The following WNK2 variants were observed in gnomAD, a reference collection of about 807,000 sequenced individuals.
WNK2 encodes serine/threonine-protein kinase WNK2.
In WNK2, 67 loss-of-function variants were observed where a neutral mutation model predicts 192.1. That is an observed-to-expected ratio of 0.35 (90% CI 0.29 to 0.43). The LOEUF is 0.43. WNK2 is among the 20% of genes least tolerant of loss of function. The probability of loss-of-function intolerance (pLI) is 1.00; values close to 1 mark genes in which losing one functional copy is unlikely to be tolerated. For synonymous variants in WNK2, 1,439 were observed against 1,393.9 expected (o/e 1.03, Z -0.72); for missense variants, 2,698 against 3,089.7 (o/e 0.87, Z 3.01).
intron 19 of WNK2, 40 bp from the exon 20 acceptor site, chr9:93,288,748 G>A: frequency 2.6e-6 from 4 of 1,555,280 alleles, no homozygotes; most frequent in Non-Finnish European, 3.5e-6. Flanking sequence ...GATAGGACTG[G>A]AGTACCCTGG....
chr9:93,226,686 C>T (rs4617217), intron 2 of WNK2, among the ~76,000 whole-genome samples: 121,975 of 152,128 alleles, frequency 0.8, 49,199 homozygotes, highest in Admixed American at 0.85. Flanking sequence ...TATTAGTCTG[C>T]CTTTTCCAGG....
chr9:93,196,331 C>T (rs1423406601), intron 2 of WNK2, among the ~76,000 whole-genome samples: 1 of 152,194 alleles, frequency 6.6e-6, no homozygotes, highest in African/African-American at 2.4e-5. Context: ...CTGTGGGAAG[C>T]AATGCTGACC....
intron 29 of WNK2, chr9:93,317,990 C>CA: frequency 6.2e-7 from 1 of 1,612,850 alleles, no homozygotes; most frequent in Non-Finnish European, 8.5e-7. Context: ...GGCAGCAAGA[C>CA]TGCTTCCTTT....
chr9:93,312,826 T>C (rs1028472599), intron 28 of WNK2, among the ~76,000 whole-genome samples: 3 of 152,220 alleles, frequency 2.0e-5, no homozygotes, highest in African/African-American at 7.2e-5. Context: ...TCTCCTCTCC[T>C]GTGACTCCCG....
chr9:93,307,433 G>A (rs1852780336), intron 27 of WNK2: 1 of 152,222 alleles, frequency 6.6e-6, no homozygotes, highest in Non-Finnish European at 1.5e-5. Context: ...GTTTCTCTAT[G>A]CAGAAAATTT....
Position 93,185,677 on chromosome 9 carries a change from T to C in WNK2, c.681+67T>C. The C allele has an allele frequency of 2.0e-6, 3 of 1,536,284 alleles. No individual in the cohort carries two copies. In the South Asian group the frequency reaches 3.6e-5, roughly 18 times the overall value. ...GTCCGCGAGTGCGTCCTTGGGCCTG[T>C]CCTTGCTCCTGCGCCTGGCCTTAAG... On this transcript the variant is annotated intron_variant, in intron 2 of 29. Coordinates refer to ENST00000427277, the MANE Select transcript of WNK2 (RefSeq NM_006648.4).
At chr9:93,187,086 G>A (rs760036776) in intron 2 of WNK2, among the ~76,000 whole-genome samples, 2 of 152,150 alleles carry the variant, frequency 1.3e-5, no homozygotes, top group African/African-American at 2.4e-5. Context: ...CTTCTGACCG[G>A]AGCACCCTCA....
rs1240738002 is a variant in WNK2 at position 93,225,904 on chromosome 9, CTGTTGTGTTA to C, written c.682-3782_682-3773del. On this transcript the variant is annotated intron_variant, in intron 2 of 29. Coordinates refer to ENST00000427277, the MANE Select transcript of WNK2 (RefSeq NM_006648.4). ...AGGGTCACCCTGGGTGCATGTCTTT[CTGTTGTGTTA>C]TGTTGTGTTGTGTTGTGTTGTGTTG... Among the ~76,000 whole-genome samples, 25 of 111,088 alleles carry C rather than the reference CTGTTGTGTTA, an allele frequency of 2.3e-4. 1 individual carries two copies. In the East Asian group the frequency reaches 5.2e-3, roughly 23 times the overall value. 72.9% of individuals were successfully genotyped at this position (111,088 alleles called of 152,430 possible).
rs761769543 is a variant in WNK2 at position 93,202,325 on chromosome 9, C to CGTGTGTGTGTGTGTGT, written c.681+16742_681+16757dup. 1.5e-3 allele frequency among the ~76,000 whole-genome samples: 200 copies of CGTGTGTGTGTGTGTGT among 130,626 alleles called. 1 individual carries two copies. Among genetic ancestry groups the CGTGTGTGTGTGTGTGT allele is most frequent in the East Asian group, 6.1e-3 (25 of 4,096 alleles). 85.7% of individuals were successfully genotyped at this position (130,626 alleles called of 152,430 possible). ...GGGCCTCTGCTGGGCTCCGTGTGCACGTGTGTGTGTGTGTGTGTGTGTGTG... is the reference window on the plus strand; with the variant it reads ...GGGCCTCTGCTGGGCTCCGTGTGCACGTGTGTGTGTGTGTGTGTGTGTGTGTGTGTGTGTGTGTGTG... On this transcript the variant is annotated intron_variant, in intron 2 of 29. Transcript: ENST00000427277.
intron 12 of WNK2, 34 bp from the exon 13 acceptor site, chr9:93,261,780 G>A (rs773780740): frequency 1.9e-6 from 3 of 1,562,636 alleles, no homozygotes; most frequent in Non-Finnish European, 2.6e-6. Context: ...GGCAGCGCCG[G>A]CCCTGACTTG....
Position 93,258,972 on chromosome 9 carries a change from G to A in WNK2, c.2424G>A (p.Ala808=), listed in dbSNP as rs55768771. ...TTGTGCCCCCCATCACGCCCCTGGC[G>A]GGAATCGACGGCCTCCCTCCGGCCC... ...IPVVPPITPL[A]GIDGLPPALP... Residue 808 remains alanine (A), a synonymous_variant, in exon 12 of 30, where the codon GCG becomes GCA. Coordinates refer to ENST00000427277, the MANE Select transcript of WNK2 (RefSeq NM_006648.4). The A allele has an allele frequency of 6.9e-3, 11,143 of 1,612,384 alleles. 62 individuals are homozygous for A. The highest frequency in any genetic ancestry group is 0.017 in the Middle Eastern group (100 of 6,052).
chr9:93,318,200 T>C, intron 29 of WNK2: 1 of 1,484,086 alleles, frequency 6.7e-7, no homozygotes, highest in Non-Finnish European at 8.9e-7. Context: ...GCAATTGGCT[T>C]GTGCATTGAT....
At position 93,239,733 on chromosome 9, in the gene WNK2, G is replaced by A. The variant is rs746870351; in HGVS notation, c.1323-24G>A. On this transcript the variant is annotated intron_variant, in intron 6 of 29. Coordinates refer to ENST00000427277, the MANE Select transcript of WNK2 (RefSeq NM_006648.4). The surrounding 1 kb of genome is among the most constrained non-coding windows in gnomAD (Gnocchi z 4.2). ...TGGAGGCCCTGGCGCCCGTGCCCCT[G>A]CCTGTCAGCTGCTCTCCCTCCAGGT... is the stretch of plus-strand genomic sequence containing the variant. 1 of 1,540,118 alleles carries A rather than the reference G, an allele frequency of 6.5e-7. No homozygotes were observed. Among genetic ancestry groups the A allele is most frequent in the Non-Finnish European group, 8.8e-7 (1 of 1,139,078 alleles).
In WNK2 at chr9:93,259,211, C is replaced by T. The variant is rs1349496535; in HGVS notation, c.2663C>T (p.Ala888Val). 28 of 1,613,164 alleles carry T rather than the reference C, an allele frequency of 1.7e-5. No individual in the cohort carries two copies. The highest frequency in any genetic ancestry group is 2.3e-5 in the Non-Finnish European group (27 of 1,179,766). ...PNAPATIPLL[A>V]VAPPGVAALS... Reference sequence around the variant, plus strand: ...GCACCGGCCACTATCCCCCTGCTGGCCGTAGCCCCACCGGGCGTGGCTGCC... The same window carrying T: ...GCACCGGCCACTATCCCCCTGCTGGTCGTAGCCCCACCGGGCGTGGCTGCC... The change falls in exon 12 of 30, where the codon GCC becomes GTC. Residue 888 changes from alanine to valine, a missense_variant. Ala to Val is a moderately conservative substitution (Grantham distance 64). This residue lies in a region of WNK2 where 893 missense variants were observed against 909.0 expected (regional missense o/e 0.98). Transcript: ENST00000427277. The surrounding 1 kb of genome is among the most constrained non-coding windows in gnomAD (Gnocchi z 4.8).
intron 19 of WNK2, 144 bp downstream of exon 19, chr9:93,268,890 T>C: frequency 1.3e-6 from 2 of 1,568,092 alleles, no homozygotes; most frequent in Non-Finnish European, 1.7e-6. Flanking sequence ...CAGAGCAGCC[T>C]GTGGGGCTGT....
chr9:93,277,059 A>C (rs1442604358), intron 19 of WNK2, among the ~76,000 whole-genome samples: 1 of 152,094 alleles, frequency 6.6e-6, no homozygotes, highest in Non-Finnish European at 1.5e-5. Context: ...TGAGCAACTC[A>C]CTTGAGCAGA....
rs193186713 is a variant in WNK2 at position 93,292,319 on chromosome 9, C to T, written c.4948C>T (p.Pro1650Ser). The change falls in exon 22 of 30, where the codon CCC (proline) becomes TCC (serine). Residue 1650 changes from proline to serine, a missense_variant. This residue lies in a region of WNK2 where 1,098 missense variants were observed against 1,101.0 expected (regional missense o/e 1.00). Coordinates refer to ENST00000427277, the MANE Select transcript of WNK2 (RefSeq NM_006648.4). Reference protein sequence around the residue: ...TSSSMTAESSPRSMLGYDRDG... With the variant: ...TSSSMTAESSSRSMLGYDRDG... ...TGATGTTCCCATAGCAGAGTCGTCT[C>T]CCAGGAGTATGCTAGGCTATGACAG... is the stretch of plus-strand genomic sequence containing the variant. 4 of 1,613,888 alleles carry T rather than the reference C, an allele frequency of 2.5e-6. No individual in the cohort carries two copies. Among genetic ancestry groups the T allele is most frequent in the East Asian group, 2.2e-5 (1 of 44,872 alleles).
chr9:93,218,439 G>A (rs1434851400), intron 2 of WNK2, among the ~76,000 whole-genome samples: 1 of 152,122 alleles, frequency 6.6e-6, no homozygotes, highest in Admixed American at 6.5e-5. Flanking sequence ...TGTGCCCGCC[G>A]GGCTCCCAGT....
At chr9:93,277,782 C>G (rs952020272) in intron 19 of WNK2, among the ~76,000 whole-genome samples, 1 of 152,024 alleles carries the variant, frequency 6.6e-6, no homozygotes, top group Admixed American at 6.6e-5. Context: ...ACATGTGTGT[C>G]AAAACTCATG....
Sources: allele counts gnomAD v4.1 joint callset (sites outside exome capture counted in the v4.1 genomes callset), GRCh38; gene constraint gnomAD v4.1.1; regional missense constraint gnomAD v4.1.1; non-coding constraint Gnocchi (gnomAD v3.1); transcripts MANE v1.5; gene names NCBI Gene and HGNC (gene_info 2026-07-23, HGNC 2026-07-21).